Variants in PZP observed in about 807,000 individuals in gnomAD.
PZP encodes the protein PZP alpha-2-macroglobulin like, also known as pregnancy zone protein.
In PZP, 150 loss-of-function variants were observed where a neutral mutation model predicts 179.8. The observed-to-expected ratio is 0.83, with a 90% confidence interval of 0.73 to 0.96. The LOEUF (loss-of-function observed/expected upper bound fraction) is 0.96. Ranked by LOEUF, PZP falls within the 40% of genes least tolerant of loss-of-function variation. PZP has a pLI of 0.00. For missense variants in PZP, 1,689 were observed against 1,764.0 expected (o/e 0.96, Z 0.76); for synonymous variants, 624 against 652.3 (o/e 0.96, Z 0.66).
At position 9,181,841 on chromosome 12, in the gene PZP, T is replaced by A. The variant is rs749333710; in HGVS notation, c.1689+134A>T. The A allele has an allele frequency of 2.4e-4, 214 of 878,852 alleles. 1 individual carries two copies. The East Asian group carries it at 5.6e-3, about 23-fold the overall frequency. 54.4% of individuals were successfully genotyped at this position (878,852 alleles called of 1,614,324 possible). A position where few individuals can be genotyped will look rare whatever the true frequency, so the allele number is the denominator to read the frequency against. ...TGTACTAGATCCCTAGAAATTTGGG[T>A]CTGCCATAAACTTGTTGGGAACTGT... On this transcript the variant is annotated intron_variant, in intron 14 of 35. Coordinates refer to ENST00000261336, the MANE Select transcript of PZP (RefSeq NM_002864.3).
Position 9,160,366 on chromosome 12 carries a change from G to T in PZP, c.2997C>A (p.Thr999=). The T allele has an allele frequency of 1.2e-6, 2 of 1,614,184 alleles. No individual in the cohort carries two copies. Among genetic ancestry groups the T allele is most frequent in the East Asian group, 2.2e-5 (1 of 44,872 alleles). Reference sequence around the variant, plus strand: ...CCTTGATCTCCTGCGTCAGCTGCTGGGTTTCATTCAGATAGTTCAAGACAT... The same window carrying T: ...CCTTGATCTCCTGCGTCAGCTGCTGTGTTTCATTCAGATAGTTCAAGACAT... The part of the protein sequence containing the change: ...NIYVLNYLNE[T]QQLTQEIKAK... Residue 999 remains threonine, a synonymous_variant, in exon 24 of 36, where the codon ACC becomes ACA. Coordinates refer to ENST00000261336, the MANE Select transcript of PZP (RefSeq NM_002864.3).
At chr12:9,178,644 A>C (rs184161363) in intron 15 of PZP, among the ~76,000 whole-genome samples, 19 of 152,340 alleles carry the variant, frequency 1.2e-4, no homozygotes, top group Admixed American at 2.0e-4. Flanking sequence ...TCACATCTCA[A>C]ACTACAAAAA....
At chr12:9,137,722 C>G in the PZP span, among the ~76,000 whole-genome samples, 2 of 151,996 alleles carry the variant, frequency 1.3e-5, no homozygotes, top group African/African-American at 4.8e-5. Flanking sequence ...TTTCCAGACA[C>G]AGGTCTTTCA....
At chr12:9,146,254 A>G (rs961208364), downstream of PZP, among the ~76,000 whole-genome samples, 5 of 150,256 alleles carry the variant, frequency 3.3e-5, no homozygotes, top group Non-Finnish European at 7.4e-5. Context: ...ACTACTTCCA[A>G]TGACTGGTGT....
At chr12:9,175,839 A>G (rs1295020771) in intron 15 of PZP, among the ~76,000 whole-genome samples, 4 of 150,282 alleles carry the variant, frequency 2.7e-5, no homozygotes, top group Admixed American at 2.6e-4. Context: ...AGAAAAAGGA[A>G]TGCTTTTTTT....
intron 10 of PZP, 75 bp from the exon 11 acceptor site, chr12:9,194,313 T>C (rs1477696877): frequency 2.8e-6 from 4 of 1,409,794 alleles, no homozygotes; most frequent in Non-Finnish European, 3.9e-6. Flanking sequence ...ACAAATGCTT[T>C]TGCTGCTATA....
intron 3 of PZP, 37 bp from the exon 4 acceptor site, chr12:9,202,408 T>G: frequency 6.2e-7 from 1 of 1,613,966 alleles, no homozygotes; most frequent in Non-Finnish European, 8.5e-7. Context: ...TCAGACATGA[T>G]AAAGCAGGTA....
intron 17 of PZP, chr12:9,168,573 C>T: frequency 3.8e-6 from 1 of 266,300 alleles, no homozygotes; most frequent in Non-Finnish European, 7.0e-6. Context: ...TTCCTGTTTC[C>T]ATAATCAGAA....
At chr12:9,153,043 T>C in intron 30 of PZP, 82 bp downstream of exon 30, 1 of 1,604,822 alleles carries the variant, frequency 6.2e-7, no homozygotes, top group Non-Finnish European at 8.5e-7. Context: ...CCTTTTACTT[T>C]CCCAGGAAGG....
Position 9,202,377 on chromosome 12 carries a change from A to C in PZP, c.428-6T>G. On this transcript the variant is annotated splice_region_variant and splice_polypyrimidine_tract_variant and intron_variant, in intron 3 of 35. Transcript: ENST00000261336. Reference sequence around the variant, plus strand: ...GGAGACAACACGGAATCTTACTGGAAAAGTAGTTCTCCGATAAGATTCAGA... The same window carrying C: ...GGAGACAACACGGAATCTTACTGGACAAGTAGTTCTCCGATAAGATTCAGA... 1 of 1,614,154 alleles carries C rather than the reference A, an allele frequency of 6.2e-7. No individual in the cohort carries two copies. Among genetic ancestry groups the C allele is most frequent in the South Asian group, 1.1e-5 (1 of 91,078 alleles).
chr12:9,159,436 C>A (rs981412030), intron 25 of PZP, among the ~76,000 whole-genome samples: 1 of 151,884 alleles, frequency 6.6e-6, no homozygotes. Context: ...ATTGTTTCTC[C>A]ACCAAAACTC....
intron 8 of PZP, 84 bp from the exon 9 acceptor site, chr12:9,196,769 G>A: frequency 8.1e-7 from 1 of 1,228,946 alleles, no homozygotes; most frequent in South Asian, 1.3e-5. Context: ...CTAATGACAA[G>A]AAAACTTTTT....
Position 9,182,132 on chromosome 12 carries a change from G to GAGTTAGACAAAATGGTCATA in PZP, c.1547-16_1547-15insTATGACCATTTTGTCTAACT. On this transcript the variant is annotated splice_polypyrimidine_tract_variant and intron_variant, in intron 13 of 35. Transcript: ENST00000261336. Reference sequence around the variant, plus strand: ...ACTGCCTTTCACTGGAACATGGAGAGAGTGAGACAAAATGGTCATAAGTGA... The same window carrying GAGTTAGACAAAATGGTCATA: ...ACTGCCTTTCACTGGAACATGGAGAGAGTTAGACAAAATGGTCATAAGTGAGACAAAATGGTCATAAGTGA... The GAGTTAGACAAAATGGTCATA allele has an allele frequency of 6.4e-7, 1 of 1,554,332 alleles. No homozygotes were observed.
At chr12:9,183,542 G>A (rs1445599035) in intron 13 of PZP, among the ~76,000 whole-genome samples, 1 of 152,086 alleles carries the variant, frequency 6.6e-6, no homozygotes, top group African/African-American at 2.4e-5. Context: ...TGGGACTATA[G>A]GTGCACAACA....
At chr12:9,162,711 G>T in intron 21 of PZP, 63 bp from the exon 22 acceptor site, 1 of 1,292,494 alleles carries the variant, frequency 7.7e-7, no homozygotes, top group Non-Finnish European at 1.1e-6. Flanking sequence ...AGAACCACAT[G>T]GATTCCTTTC....
intron 13 of PZP, among the ~76,000 whole-genome samples, chr12:9,184,456 G>T (rs1014469730): frequency 1.3e-5 from 2 of 152,146 alleles, no homozygotes; most frequent in Admixed American, 1.3e-4. Context: ...TTGCTAGTGG[G>T]GATCCCCCAA....
At chr12:9,160,110 A>C in intron 24 of PZP, 85 bp from the exon 25 acceptor site, 6 of 1,337,062 alleles carry the variant, frequency 4.5e-6, no homozygotes, top group Non-Finnish European at 6.4e-6. Flanking sequence ...TCCAGGCGCC[A>C]TGGACATTTT....
intron 1 of PZP, among the ~76,000 whole-genome samples, chr12:9,207,896 GTA>G (rs558751805): frequency 6.6e-6 from 1 of 151,550 alleles, no homozygotes; most frequent in Non-Finnish European, 1.5e-5. Context: ...TATACTTTCT[GTA>G]TATATATATA....
At position 9,166,103 on chromosome 12, in the gene PZP, G is replaced by A. The variant is rs200058002; in HGVS notation, c.2207C>T (p.Thr736Met). Residue 736 changes from threonine to methionine, a missense_variant, in exon 18 of 36, where the codon ACG becomes ATG. Physicochemically the swap from Thr to Met is moderately conservative, Grantham distance 81. This residue lies in a region of PZP where 201 missense variants were observed against 284.2 expected (regional missense o/e 0.71). Transcript: ENST00000261336. Reference protein sequence around the residue: ...NEQSSGPVPETVRSYFPETWI... With the variant: ...NEQSSGPVPEMVRSYFPETWI... ...AGTCTCAGGAAAATAGCTTCGCACC[G>A]TTTCAGGGACTGGCCCTGAACTTTG... 170 of 1,612,972 alleles carry A rather than the reference G, an allele frequency of 1.1e-4. No individual in the cohort carries two copies. Among genetic ancestry groups the A allele is most frequent in the East Asian group, 5.4e-4 (24 of 44,838 alleles).
Sources: allele counts gnomAD v4.1 joint callset (sites outside exome capture counted in the v4.1 genomes callset), GRCh38; gene constraint gnomAD v4.1.1; regional missense constraint gnomAD v4.1.1; transcripts MANE v1.5; gene names NCBI Gene and HGNC (gene_info 2026-07-23, HGNC 2026-07-21).